VAV2: variants seen among roughly 807,000 people sequenced by gnomAD.
VAV2 encodes vav guanine nucleotide exchange factor 2.
VAV2 carries 67 observed loss-of-function variants against 132.5 expected under a neutral mutation model. That is an observed-to-expected ratio of 0.51 (90% CI 0.42 to 0.62). The LOEUF (loss-of-function observed/expected upper bound fraction) is 0.62. Among genes scored for constraint, VAV2 ranks in the 20% least tolerant of loss-of-function variants. VAV2 has a pLI of 0.00. For missense variants in VAV2, 938 were observed against 1,153.6 expected, an observed-to-expected ratio of 0.81 and a Z score of 2.71; for synonymous variants, 492 against 443.5, an observed-to-expected ratio of 1.11 and a Z score of -1.37.
chr9:133,779,724 A>G (rs1271815472), intron 21 of VAV2, among the ~76,000 whole-genome samples, 194 bp downstream of exon 21: 1 of 152,094 alleles, frequency 6.6e-6, no homozygotes, highest in African/African-American at 2.4e-5. Flanking sequence ...CTTATCAGAA[A>G]CAGAGCCACC....
chr9:133,777,360 T>C (rs746255188), intron 23 of VAV2, 29 bp downstream of exon 23: 2 of 1,612,472 alleles, frequency 1.2e-6, no homozygotes, highest in Admixed American at 3.3e-5. Flanking sequence ...GCCACCGTGC[T>C]CCAGAAGCTT....
At chr9:133,776,503 T>C (rs1385980178) in intron 23 of VAV2, among the ~76,000 whole-genome samples, 1 of 152,086 alleles carries the variant, frequency 6.6e-6, no homozygotes, top group African/African-American at 2.4e-5. Context: ...TAGGGCTCCC[T>C]CCCTGGCTAC....
intron 2 of VAV2, among the ~76,000 whole-genome samples, chr9:133,866,800 C>T (rs1326733399): frequency 2.9e-5 from 4 of 138,470 alleles, no homozygotes; most frequent in Admixed American, 7.3e-5. Flanking sequence ...AGCAAGACTC[C>T]GTCTCAAAAA....
chr9:133,787,392 G>C, intron 15 of VAV2, 132 bp from the exon 16 acceptor site: 1 of 1,103,308 alleles, frequency 9.1e-7, no homozygotes, highest in Non-Finnish European at 1.2e-6. Context: ...CCCAGGCTGG[G>C]GGTGGGGTGA....
At chr9:133,784,476 T>C in intron 17 of VAV2, 58 bp from the exon 18 acceptor site, 3 of 1,590,556 alleles carry the variant, frequency 1.9e-6, no homozygotes, top group Non-Finnish European at 2.6e-6. Context: ...AGCCCCACCA[T>C]GTGGCCATCC....
rs927001127 is a variant in VAV2 at position 133,879,015 on chromosome 9, G to A, written c.322-17583C>T. Among the ~76,000 whole-genome samples the A allele has an allele frequency of 1.3e-5, 2 of 152,168 alleles. No individual in the cohort carries two copies. Among genetic ancestry groups the A allele is most frequent in the Admixed American group, 6.5e-5 (1 of 15,286 alleles). On this transcript the variant is annotated intron_variant, in intron 2 of 29. Coordinates refer to ENST00000371850, the MANE Select transcript of VAV2 (RefSeq NM_001134398.2). This position sits in a 1 kb window ranked among gnomAD's most constrained non-coding sequence, Gnocchi z 4.4. ...AGCATGGTGGGGCAGGGGCAGGGAG[G>A]TGTCTCCTCAGGATCCCCCCGTTCC...
At chr9:133,873,115 T>TGGGGGGGGGGGGGGGGGGGGGGGGGGG (rs1554796718) in intron 2 of VAV2, among the ~76,000 whole-genome samples, 1 of 37,890 alleles carries the variant, frequency 2.6e-5, no homozygotes, top group African/African-American at 1.1e-4. Flanking sequence ...GGCGGGGGGG[T>TGGGGGGGGGGGGGGGGGGGGGGGGGGG]GGGGGAGGGA....
chr9:133,862,389 C>T (rs1489612917), intron 2 of VAV2, among the ~76,000 whole-genome samples: 2 of 152,214 alleles, frequency 1.3e-5, no homozygotes, highest in African/African-American at 2.4e-5. Flanking sequence ...TCACAACTCA[C>T]GGGGTGAATG....
chr9:133,807,395 G>A, intron 7 of VAV2, 69 bp from the exon 8 acceptor site: 1 of 1,499,564 alleles, frequency 6.7e-7, no homozygotes. Context: ...ACAGCTGCCA[G>A]GGGAGGGTCC....
In VAV2 at chr9:133,986,726, G is replaced by A. The variant is rs1401029238; in HGVS notation, c.204+5349C>T. Among the ~76,000 whole-genome samples the A allele has an allele frequency of 2.0e-5, 3 of 152,176 alleles. No individual in the cohort carries two copies. The South Asian group carries it at 6.2e-4, about 32-fold the overall frequency. ...TATCCCCCCCAAAAAAAGAAAAGAC[G>A]CCCTTGTCTTCTTTGCAACCAGCAT... On this transcript the variant is annotated intron_variant, in intron 1 of 29. Coordinates refer to ENST00000371850, the MANE Select transcript of VAV2 (RefSeq NM_001134398.2).
intron 2 of VAV2, among the ~76,000 whole-genome samples, chr9:133,865,158 A>G (rs1837750870): frequency 6.6e-6 from 1 of 152,186 alleles, no homozygotes; most frequent in African/African-American, 2.4e-5. Context: ...CAAACTGAGG[A>G]CAGAGGTGCT....
At position 133,928,952 on chromosome 9, in the gene VAV2, G is replaced by A. The variant is rs74579102; in HGVS notation, c.321+10151C>T. Among the ~76,000 whole-genome samples, 935 of 152,222 alleles carry A rather than the reference G, an allele frequency of 6.1e-3. 13 individuals carry two copies. The highest frequency in any genetic ancestry group is 0.02 in the African/African-American group (848 of 41,520). On this transcript the variant is annotated intron_variant, in intron 2 of 29. Transcript: ENST00000371850. This position sits in a 1 kb window ranked among gnomAD's most constrained non-coding sequence, Gnocchi z 5.4. Reference sequence around the variant, plus strand: ...GGTCATCACCCACGTGCTCAAACGCGGCTGGTACAATCACAGCACCACTCC... The same window carrying A: ...GGTCATCACCCACGTGCTCAAACGCAGCTGGTACAATCACAGCACCACTCC...
At chr9:133,889,553 G>A (rs1838847973) in intron 2 of VAV2, among the ~76,000 whole-genome samples, 1 of 152,178 alleles carries the variant, frequency 6.6e-6, no homozygotes, top group East Asian at 1.9e-4. Flanking sequence ...CACATAGCTT[G>A]CCTTGGGGCA....
chr9:133,880,275 G>C (rs1838439600), intron 2 of VAV2, among the ~76,000 whole-genome samples: 1 of 152,242 alleles, frequency 6.6e-6, no homozygotes, highest in South Asian at 2.1e-4. Context: ...GGCAGCACGG[G>C]GAGGGAGAGT....
intron 3 of VAV2, among the ~76,000 whole-genome samples, chr9:133,855,557 GA>G (rs886227105): frequency 1.3e-5 from 2 of 152,208 alleles, no homozygotes; most frequent in African/African-American, 4.8e-5. Context: ...CGTATCCCGG[GA>G]GGGCACCCGG....
At chr9:133,851,136 G>A (rs11998957) in intron 3 of VAV2, among the ~76,000 whole-genome samples, 2,606 of 152,312 alleles carry the variant, frequency 0.017, 67 homozygotes, top group African/African-American at 0.058. Flanking sequence ...CCTGAGTTCC[G>A]CTGCAGATGG....
chr9:133,981,374 G>A (rs1042181355), intron 1 of VAV2, among the ~76,000 whole-genome samples: 3 of 152,234 alleles, frequency 2.0e-5, no homozygotes, highest in East Asian at 1.9e-4. Context: ...TCCACTTGGC[G>A]GCGAGAGGGG....
At chr9:133,784,561 G>A (rs772133472) in intron 17 of VAV2, 143 bp from the exon 18 acceptor site, 25 of 818,106 alleles carry the variant, frequency 3.1e-5, no homozygotes, top group African/African-American at 6.8e-5. Context: ...GGCTCTGCCC[G>A]CAACATGGGG....
intron 3 of VAV2, among the ~76,000 whole-genome samples, chr9:133,854,854 C>T (rs964418759): frequency 6.6e-6 from 1 of 152,204 alleles, no homozygotes; most frequent in Non-Finnish European, 1.5e-5. Flanking sequence ...GTCATCCTGT[C>T]CCCTCACAGC....
Sources: gnomAD v4.1 joint callset for allele counts (sites outside exome capture counted in the v4.1 genomes callset) on GRCh38, gnomAD v4.1.1 for gene constraint, Gnocchi (gnomAD v3.1) non-coding constraint, MANE v1.5 for transcripts, NCBI Gene and HGNC (gene_info 2026-07-23, HGNC 2026-07-21) for gene names.